DCLK1: variants seen among roughly 807,000 people sequenced by gnomAD.
DCLK1 encodes serine/threonine-protein kinase DCLK1.
DCLK1 carries 16 observed loss-of-function variants against 86.2 expected under a neutral mutation model. The ratio of observed to expected loss-of-function variants is 0.19; its 90% CI spans 0.13 to 0.28. DCLK1 has a LOEUF of 0.28. DCLK1 is among the 10% of genes least tolerant of loss of function. The probability of loss-of-function intolerance (pLI) is 1.00; values close to 1 mark genes in which losing one functional copy is unlikely to be tolerated. For synonymous variants in DCLK1, 369 were observed against 370.5 expected, an observed-to-expected ratio of 1.00 and a Z score of 0.05; for missense variants, 590 against 940.2, an observed-to-expected ratio of 0.63 and a Z score of 4.87.
intron 4 of DCLK1, among the ~76,000 whole-genome samples, chr13:35,877,322 C>G (rs375268855): frequency 8.5e-5 from 13 of 152,276 alleles, no homozygotes; most frequent in African/African-American, 2.9e-4. Flanking sequence ...GATCCTCCCC[C>G]CACTCAGAAA....
In DCLK1 at chr13:35,769,442, A is replaced by G. The variant is rs556552147; in HGVS notation, c.*5093T>C. On this transcript the variant is annotated 3_prime_UTR_variant, in exon 17 of 17. Transcript: ENST00000360631. ...TCTTTCAGCCAGAATGAAAAAGGCT[A>G]GTATTAATTTCCTAATAAAATTTTT... The G allele has an allele frequency of 2.0e-5, 3 of 152,358 alleles. No individual in the cohort carries two copies. Among genetic ancestry groups the G allele is most frequent in the East Asian group, 3.9e-4 (2 of 5,194 alleles). 9.4% of individuals were successfully genotyped at this position (152,358 alleles called of 1,614,324 possible).
At chr13:35,869,894 G>A (rs1872148492) in intron 5 of DCLK1, among the ~76,000 whole-genome samples, 1 of 152,164 alleles carries the variant, frequency 6.6e-6, no homozygotes, top group South Asian at 2.1e-4. Flanking sequence ...TGAAACACAG[G>A]TTTAGGTCCT....
intron 3 of DCLK1, among the ~76,000 whole-genome samples, chr13:35,950,622 GGCCTCTCT>G (rs1477030577): frequency 1.3e-5 from 2 of 152,160 alleles, no homozygotes; most frequent in African/African-American, 2.4e-5. Flanking sequence ...AGTGACAATT[GGCCTCTCT>G]GCCATGAATT....
At position 36,038,731 on chromosome 13, in the gene DCLK1, G is replaced by A. The variant is rs186946469; in HGVS notation, c.723+73138C>T. Among the ~76,000 whole-genome samples, 23 of 152,246 alleles carry A rather than the reference G, an allele frequency of 1.5e-4. 1 individual carries two copies. The East Asian group carries it at 2.7e-3, about 18-fold the overall frequency. Reference sequence around the variant, plus strand: ...TTAATTTTACTAAGCGCTATGACAAGCACAGCAAAGTTACCTCCTTTAATA... The same window carrying A: ...TTAATTTTACTAAGCGCTATGACAAACACAGCAAAGTTACCTCCTTTAATA... On this transcript the variant is annotated intron_variant, in intron 3 of 16. Coordinates refer to ENST00000360631, the MANE Select transcript of DCLK1 (RefSeq NM_001330071.2).
At chr13:35,868,777 C>T (rs1872045696) in intron 5 of DCLK1, among the ~76,000 whole-genome samples, 1 of 151,998 alleles carries the variant, frequency 6.6e-6, no homozygotes, top group Non-Finnish European at 1.5e-5. Context: ...CCCTATAGCC[C>T]AGATTTATTT....
chr13:35,835,311 A>C (rs1869279783), intron 8 of DCLK1, among the ~76,000 whole-genome samples: 1 of 152,218 alleles, frequency 6.6e-6, no homozygotes, highest in Non-Finnish European at 1.5e-5. Flanking sequence ...CCAACTTTGC[A>C]GTATTCTGCC....
At chr13:35,824,242 T>G (rs1011400639) in intron 10 of DCLK1, among the ~76,000 whole-genome samples, 2 of 152,196 alleles carry the variant, frequency 1.3e-5, no homozygotes, top group African/African-American at 4.8e-5. Flanking sequence ...AGTAGCACAA[T>G]CATGGCTCAC....
chr13:35,846,705 C>G, intron 6 of DCLK1: 1 of 985,300 alleles, frequency 1.0e-6, no homozygotes, highest in Non-Finnish European at 1.2e-6. Context: ...ATATTTCAAT[C>G]AAAGACAGTT....
At chr13:35,971,539 G>A (rs1879059325) in intron 3 of DCLK1, among the ~76,000 whole-genome samples, 1 of 152,160 alleles carries the variant, frequency 6.6e-6, no homozygotes, top group Admixed American at 6.5e-5. Flanking sequence ...GAGGCGAGTG[G>A]ATCACCTGAG....
intron 3 of DCLK1, among the ~76,000 whole-genome samples, chr13:36,094,786 G>A (rs980447230): frequency 5.9e-5 from 9 of 152,098 alleles, no homozygotes; most frequent in Non-Finnish European, 2.9e-5. Context: ...AAACAATTTC[G>A]GGCCAGGAAT....
At chr13:35,826,683 AC>A (rs1193265188) in intron 10 of DCLK1, among the ~76,000 whole-genome samples, 1 of 152,008 alleles carries the variant, frequency 6.6e-6, no homozygotes, top group Non-Finnish European at 1.5e-5. Context: ...AAACTTAAAG[AC>A]CCTAGAATGA....
chr13:35,868,902 T>C (rs756057450), intron 5 of DCLK1, among the ~76,000 whole-genome samples: 1 of 152,196 alleles, frequency 6.6e-6, no homozygotes, highest in Non-Finnish European at 1.5e-5. Flanking sequence ...GCGATTCTCC[T>C]GCCTCAGCCT....
At chr13:36,079,491 GCATGGTGGCGGGCA>G (rs1180826731) in intron 3 of DCLK1, among the ~76,000 whole-genome samples, 2 of 152,062 alleles carry the variant, frequency 1.3e-5, no homozygotes, top group East Asian at 3.9e-4. Flanking sequence ...AATTAGCCGG[GCATGGTGGCGGGCA>G]CATGTAATCC....
intron 1 of DCLK1, among the ~76,000 whole-genome samples, chr13:36,127,925 C>T (rs1369767781): frequency 6.6e-6 from 1 of 152,134 alleles, no homozygotes; most frequent in Non-Finnish European, 1.5e-5. Context: ...ACTTTAATGA[C>T]AAAATTTCAG....
rs1243832893 is a variant in DCLK1, at chr13:35,789,886, C to CT, written c.2058+3479dup. ...ACCTTTTGTTTCCCTTTCTCTCTCT[C>CT]TTTTTTTTTTCAAATCCCCCAACTA... is the stretch of plus-strand genomic sequence containing the variant. On this transcript the variant is annotated intron_variant, in intron 16 of 16. Coordinates refer to ENST00000360631, the MANE Select transcript of DCLK1 (RefSeq NM_001330071.2). Among the ~76,000 whole-genome samples, 677 of 148,862 alleles carry CT rather than the reference C, an allele frequency of 4.5e-3. 4 individuals are homozygous for CT. The highest frequency in any genetic ancestry group is 8.0e-3 in the African/African-American group (326 of 40,626).
chr13:36,108,348 C>G (rs1593897377), intron 3 of DCLK1, among the ~76,000 whole-genome samples: 2 of 152,208 alleles, frequency 1.3e-5, no homozygotes, highest in South Asian at 4.1e-4. Flanking sequence ...AAAATCTTTT[C>G]TAGATTGTGC....
chr13:35,879,725 C>G (rs1176441310), intron 4 of DCLK1, among the ~76,000 whole-genome samples: 1 of 152,196 alleles, frequency 6.6e-6, no homozygotes, highest in Non-Finnish European at 1.5e-5. Context: ...TTTGCAGACA[C>G]CGGGCATGAA....
intron 3 of DCLK1, among the ~76,000 whole-genome samples, chr13:36,036,723 A>G (rs1171339925): frequency 6.6e-6 from 1 of 152,160 alleles, no homozygotes; most frequent in African/African-American, 2.4e-5. Flanking sequence ...TTTATATACT[A>G]TACATTTATA....
intron 4 of DCLK1, among the ~76,000 whole-genome samples, chr13:35,873,340 T>C (rs1214166605): frequency 6.6e-6 from 1 of 152,152 alleles, no homozygotes; most frequent in Non-Finnish European, 1.5e-5. Flanking sequence ...AGAGAACTTC[T>C]TAAAAGCTCT....
Sources: gnomAD v4.1 joint callset for allele counts (sites outside exome capture counted in the v4.1 genomes callset) on GRCh38, gnomAD v4.1.1 for gene constraint, MANE v1.5 for transcripts, NCBI Gene and HGNC (gene_info 2026-07-23, HGNC 2026-07-21) for gene names.